Variants in B3GALT1 observed in about 807,000 individuals in gnomAD.
B3GALT1 encodes the protein beta-1,3-galactosyltransferase 1.
In B3GALT1, 10 loss-of-function variants were observed where a neutral mutation model predicts 23.2. That is an observed-to-expected ratio of 0.43 (90% CI 0.27 to 0.73). The LOEUF is 0.73. B3GALT1 is among the 30% of genes least tolerant of loss of function. B3GALT1 has a pLI of 0.21. For missense variants in B3GALT1, 299 were observed against 405.4 expected, an observed-to-expected ratio of 0.74 and a Z score of 2.25; for synonymous variants, 156 against 141.5, an observed-to-expected ratio of 1.10 and a Z score of -0.73.
chr2:167,578,803 T>A (rs1051298346), intron 2 of B3GALT1, among the ~76,000 whole-genome samples: 3 of 152,042 alleles, frequency 2.0e-5, no homozygotes, highest in Non-Finnish European at 2.9e-5. Context: ...TCCCAGAAGC[T>A]GGAAGTCAGT....
At chr2:167,628,780 T>C (rs1197722376) in intron 2 of B3GALT1, among the ~76,000 whole-genome samples, 1 of 151,718 alleles carries the variant, frequency 6.6e-6, no homozygotes, top group African/African-American at 2.4e-5. Flanking sequence ...CAGGCTTCCA[T>C]CTTCATTGTA....
chr2:167,370,573 C>T (rs1036140320), intron 1 of B3GALT1, among the ~76,000 whole-genome samples: 1 of 152,098 alleles, frequency 6.6e-6, no homozygotes, highest in Non-Finnish European at 1.5e-5. Context: ...AGGATAGCTA[C>T]TTCTGATGGA....
chr2:167,407,712 C>T (rs1698307952), intron 1 of B3GALT1, among the ~76,000 whole-genome samples: 1 of 152,110 alleles, frequency 6.6e-6, no homozygotes, highest in South Asian at 2.1e-4. Context: ...AACAATTATA[C>T]TCCAACAAAC....
At chr2:167,509,530 A>G (rs1192947107) in intron 2 of B3GALT1, among the ~76,000 whole-genome samples, 1 of 152,124 alleles carries the variant, frequency 6.6e-6, no homozygotes, top group Admixed American at 6.6e-5. Flanking sequence ...GATGAATAAG[A>G]AGTATTGGAG....
intron 4 of B3GALT1, among the ~76,000 whole-genome samples, chr2:167,821,742 G>T (rs922492444): frequency 1.4e-5 from 2 of 139,930 alleles, no homozygotes; most frequent in Non-Finnish European, 3.1e-5. Flanking sequence ...GCCTAGGAAG[G>T]TATTTTTTTT....
intron 1 of B3GALT1, among the ~76,000 whole-genome samples, chr2:167,325,037 G>T (rs1259180150): frequency 6.6e-6 from 1 of 151,998 alleles, no homozygotes; most frequent in African/African-American, 2.4e-5. Flanking sequence ...ACATGTTGCT[G>T]CAAATGACAC....
intron 3 of B3GALT1, among the ~76,000 whole-genome samples, chr2:167,805,767 C>T (rs1475239181): frequency 1.3e-5 from 2 of 152,168 alleles, no homozygotes; most frequent in Non-Finnish European, 2.9e-5. Context: ...AGTGTGATGC[C>T]TCCAGCTTTG....
At chr2:167,489,911 T>C (rs1699682863) in intron 1 of B3GALT1, among the ~76,000 whole-genome samples, 1 of 152,120 alleles carries the variant, frequency 6.6e-6, no homozygotes, top group Non-Finnish European at 1.5e-5. Context: ...TAAAATGACT[T>C]TATAACCAGT....
intron 1 of B3GALT1, among the ~76,000 whole-genome samples, chr2:167,459,080 CT>C (rs1699216554): frequency 6.6e-6 from 1 of 152,076 alleles, no homozygotes; most frequent in African/African-American, 2.4e-5. Flanking sequence ...TAATCTCTGT[CT>C]TTTGACTGAT....
At chr2:167,384,590 C>T (rs1697898119) in intron 1 of B3GALT1, among the ~76,000 whole-genome samples, 1 of 152,120 alleles carries the variant, frequency 6.6e-6, no homozygotes, top group Non-Finnish European at 1.5e-5. Flanking sequence ...CTCTCCTCTC[C>T]CTTCCCTCAT....
intron 3 of B3GALT1, among the ~76,000 whole-genome samples, chr2:167,740,516 A>G (rs1249831954): frequency 6.6e-6 from 1 of 152,162 alleles, no homozygotes; most frequent in African/African-American, 2.4e-5. Context: ...AAATAAAACA[A>G]TATTGTTATA....
At chr2:167,852,030 TAG>T (rs1286159594) in intron 4 of B3GALT1, among the ~76,000 whole-genome samples, 1 of 152,236 alleles carries the variant, frequency 6.6e-6, no homozygotes, top group Admixed American at 6.5e-5. Flanking sequence ...AACTTACCAA[TAG>T]CTCTGCTGAT....
At chr2:167,563,155 A>G (rs1337217223) in intron 2 of B3GALT1, among the ~76,000 whole-genome samples, 1 of 151,724 alleles carries the variant, frequency 6.6e-6, no homozygotes, top group Non-Finnish European at 1.5e-5. Flanking sequence ...GGTCTCAGTG[A>G]GCCGCTGGGC....
chr2:167,563,836 A>C (rs1240824304), intron 2 of B3GALT1, among the ~76,000 whole-genome samples: 1 of 116,078 alleles, frequency 8.6e-6, no homozygotes, highest in African/African-American at 3.2e-5. Context: ...GAGGCTCCCC[A>C]CCTCCCAGCA....
chr2:167,305,763 A>T (rs78356572), intron 1 of B3GALT1, among the ~76,000 whole-genome samples: 2,805 of 152,158 alleles, frequency 0.018, 52 homozygotes, highest in South Asian at 0.072. Context: ...CATCTGTTTA[A>T]CTATCTTGAC....
At chr2:167,729,840 G>A (rs1049178427) in intron 3 of B3GALT1, among the ~76,000 whole-genome samples, 2 of 152,102 alleles carry the variant, frequency 1.3e-5, no homozygotes, top group African/African-American at 4.8e-5. Flanking sequence ...ATAAAAGCAT[G>A]AAAAGAGCTA....
At chr2:167,358,906 G>T (rs1275313850) in intron 1 of B3GALT1, among the ~76,000 whole-genome samples, 1 of 152,062 alleles carries the variant, frequency 6.6e-6, no homozygotes, top group Non-Finnish European at 1.5e-5. Flanking sequence ...GGGTTCAAGC[G>T]ATTCCACTGC....
chr2:167,654,926 T>G (rs1482830178), intron 3 of B3GALT1, among the ~76,000 whole-genome samples: 1 of 151,996 alleles, frequency 6.6e-6, no homozygotes, highest in Non-Finnish European at 1.5e-5. Context: ...TGTCTGTAAT[T>G]ATCTGGGGAG....
intron 2 of B3GALT1, among the ~76,000 whole-genome samples, chr2:167,518,202 A>T (rs1397410335): frequency 6.6e-6 from 1 of 152,158 alleles, no homozygotes; most frequent in African/African-American, 2.4e-5. Flanking sequence ...CCTATACAGG[A>T]ATCAAACCTG....
Sources: allele counts gnomAD v4.1 joint callset (sites outside exome capture counted in the v4.1 genomes callset), GRCh38; gene constraint gnomAD v4.1.1; transcripts MANE v1.5; gene names NCBI Gene and HGNC (gene_info 2026-07-23, HGNC 2026-07-21).